GLIS3: variants seen among roughly 807,000 people sequenced by gnomAD.
GLIS3 encodes the protein GLIS family zinc finger 3.
In GLIS3, 53 loss-of-function variants were observed where a neutral mutation model predicts 78.6. The observed-to-expected ratio is 0.67, with a 90% confidence interval of 0.54 to 0.85. The LOEUF (loss-of-function observed/expected upper bound fraction) is 0.85. Among genes scored for constraint, GLIS3 ranks in the 40% least tolerant of loss-of-function variants. The pLI, the probability that GLIS3 is intolerant of heterozygous loss-of-function variation, is 0.00. For synonymous variants in GLIS3, 684 were observed against 509.9 expected (o/e 1.34, Z -4.60); for missense variants, 1,703 against 1,231.1 (o/e 1.38, Z -5.74).
chr9:4,294,983 C>T (rs1816354227), intron 1 of GLIS3, among the ~76,000 whole-genome samples: 1 of 152,188 alleles, frequency 6.6e-6, no homozygotes, highest in South Asian at 2.1e-4. Flanking sequence ...AATCCCATGG[C>T]TTATGGAACC....
chr9:4,298,901 A>C (rs1816856131), intron 1 of GLIS3, among the ~76,000 whole-genome samples: 2 of 151,912 alleles, frequency 1.3e-5, no homozygotes, highest in Non-Finnish European at 2.9e-5. Context: ...CCTTCGTGAA[A>C]CTCCACAAAC....
At chr9:4,014,014 TGA>T (rs1822246260) in intron 4 of GLIS3, among the ~76,000 whole-genome samples, 1 of 152,204 alleles carries the variant, frequency 6.6e-6, no homozygotes, top group Non-Finnish European at 1.5e-5. Context: ...ACCGTGATTC[TGA>T]GAGAGCCTTG....
intron 2 of GLIS3, among the ~76,000 whole-genome samples, chr9:4,188,877 T>C (rs1005440595): frequency 1.3e-5 from 2 of 152,194 alleles, no homozygotes; most frequent in African/African-American, 2.4e-5. Flanking sequence ...TCTATTTCAC[T>C]CTTCTCTCTT....
intron 4 of GLIS3, among the ~76,000 whole-genome samples, chr9:4,049,537 G>C (rs1825538210): frequency 6.6e-6 from 1 of 152,162 alleles, no homozygotes; most frequent in Non-Finnish European, 1.5e-5. Flanking sequence ...GCTATTCGTA[G>C]TCTGATTCTT....
At chr9:4,253,497 G>A (rs1242652930) in intron 2 of GLIS3, among the ~76,000 whole-genome samples, 1 of 152,258 alleles carries the variant, frequency 6.6e-6, no homozygotes, top group Non-Finnish European at 1.5e-5. Context: ...TCAGACTGCT[G>A]TGCTGACAGT....
the GLIS3 span, among the ~76,000 whole-genome samples, chr9:4,488,891 C>G: frequency 6.6e-6 from 1 of 151,088 alleles, no homozygotes; most frequent in Non-Finnish European, 1.5e-5. Context: ...TTTTTTTTGA[C>G]AGTCTCGCTC....
intron 3 of GLIS3, among the ~76,000 whole-genome samples, chr9:4,122,020 C>G (rs895921706): frequency 3.3e-5 from 5 of 152,166 alleles, no homozygotes; most frequent in African/African-American, 1.2e-4. Flanking sequence ...GATATTACTT[C>G]TGGTGATTGG....
chr9:4,457,216 C>G, the GLIS3 span, among the ~76,000 whole-genome samples: 1 of 151,818 alleles, frequency 6.6e-6, no homozygotes, highest in African/African-American at 2.4e-5. Context: ...AAAAAATTAC[C>G]CTGGCTTGGT....
chr9:4,374,982 G>C, the GLIS3 span, among the ~76,000 whole-genome samples: 1 of 143,606 alleles, frequency 7.0e-6, no homozygotes, highest in East Asian at 2.1e-4. Flanking sequence ...TTTGCCGCTA[G>C]ATGATTATTT....
chr9:4,298,301 T>C (rs1278820223), intron 1 of GLIS3: 11 of 452,052 alleles, frequency 2.4e-5, no homozygotes, highest in Middle Eastern at 3.3e-4. Flanking sequence ...CTTTCGCTTC[T>C]CGCCTCCCAA....
chr9:4,299,481 G>A lies in GLIS3; in HGVS notation c.-159C>T, dbSNP rs1037412071. ...GCGGGTCCCTTCCCCCGGCCGGCCAGCGCGAGTGACAGCGGGCGGCCGGCG... is the reference window on the plus strand; with the variant it reads ...GCGGGTCCCTTCCCCCGGCCGGCCAACGCGAGTGACAGCGGGCGGCCGGCG... On this transcript the variant is annotated 5_prime_UTR_variant, in exon 1 of 11. Coordinates refer to ENST00000381971, the MANE Select transcript of GLIS3 (RefSeq NM_001042413.2). 8 of 152,528 alleles carry A rather than the reference G, an allele frequency of 5.2e-5. No individual in the cohort carries two copies. Among genetic ancestry groups the A allele is most frequent in the Non-Finnish European group, 1.0e-4 (7 of 68,064 alleles). 9.4% of individuals were successfully genotyped at this position (152,528 alleles called of 1,614,324 possible).
intron 2 of GLIS3, among the ~76,000 whole-genome samples, chr9:4,232,154 G>A (rs1382813436): frequency 6.6e-6 from 1 of 152,092 alleles, no homozygotes; most frequent in African/African-American, 2.4e-5. Flanking sequence ...GAAGTGGGAG[G>A]ACTGCTTGAG....
intron 3 of GLIS3, among the ~76,000 whole-genome samples, chr9:4,125,432 A>T (rs1423119569): frequency 2.0e-5 from 3 of 152,178 alleles, no homozygotes; most frequent in East Asian, 3.9e-4. Context: ...GCTTCACCAG[A>T]AATTGACAAA....
intron 4 of GLIS3, among the ~76,000 whole-genome samples, chr9:3,941,037 G>A (rs1815863244): frequency 1.3e-5 from 2 of 152,176 alleles, no homozygotes; most frequent in African/African-American, 4.8e-5. Context: ...AGAATGCTGG[G>A]AGTGAGGCCC....
At chr9:3,906,356 G>T (rs766019394) in intron 6 of GLIS3, among the ~76,000 whole-genome samples, 2 of 152,178 alleles carry the variant, frequency 1.3e-5, no homozygotes, top group South Asian at 2.1e-4. Flanking sequence ...GGAACCAGAG[G>T]GGGTGAGAAG....
At chr9:4,385,388 GCA>G in the GLIS3 span, among the ~76,000 whole-genome samples, 1 of 152,182 alleles carries the variant, frequency 6.6e-6, no homozygotes, top group South Asian at 2.1e-4. Flanking sequence ...TCTTGGCCAG[GCA>G]CAGTGGCTCA....
At chr9:4,053,947 T>C (rs543487615) in intron 4 of GLIS3, among the ~76,000 whole-genome samples, 1 of 152,326 alleles carries the variant, frequency 6.6e-6, no homozygotes, top group East Asian at 1.9e-4. Flanking sequence ...TTTTGTTCTG[T>C]TTTGTTTATC....
intron 4 of GLIS3, among the ~76,000 whole-genome samples, chr9:4,046,212 AG>A (rs1390868016): frequency 2.0e-5 from 3 of 152,216 alleles, no homozygotes; most frequent in Non-Finnish European, 2.9e-5. Flanking sequence ...TCACCTTAAG[AG>A]AGGATTCTAG....
the GLIS3 span, among the ~76,000 whole-genome samples, chr9:4,420,352 T>A: frequency 6.6e-6 from 1 of 152,162 alleles, no homozygotes; most frequent in East Asian, 1.9e-4. Flanking sequence ...ACCTTGAGTA[T>A]CTTATCTGAG....
Sources: allele counts gnomAD v4.1 joint callset (sites outside exome capture counted in the v4.1 genomes callset), GRCh38; gene constraint gnomAD v4.1.1; transcripts MANE v1.5; gene names NCBI Gene and HGNC (gene_info 2026-07-23, HGNC 2026-07-21).